GIMAP2: variants seen among roughly 807,000 people sequenced by gnomAD.
GIMAP2 encodes GTPase IMAP family member 2.
In GIMAP2, 22 loss-of-function variants were observed where a neutral mutation model predicts 25.5. The observed-to-expected ratio is 0.86, with a 90% CI of 0.62 to 1.23. The LOEUF (loss-of-function observed/expected upper bound fraction) is 1.23, where lower values mean the gene tolerates loss of function less well. Ranked by LOEUF, GIMAP2 falls within the 50% of genes most tolerant of loss-of-function variation. The probability of loss-of-function intolerance (pLI) is 0.00; values close to 1 mark genes in which losing one functional copy is unlikely to be tolerated. For missense variants in GIMAP2, 422 were observed against 395.7 expected (o/e 1.07, Z -0.56); for synonymous variants, 167 against 143.0 (o/e 1.17, Z -1.20).
rs139352851 is a variant in GIMAP2, at chr7:150,692,334, A to G, written c.48A>G (p.Gln16=). ...HSHWGPHAKG[Q]CASRSELRII... is the part of the protein sequence containing the mutation. ...TCACAGGACCACATGCAAAGGGCCA[A>G]TGTGCCAGCAGATCTGAGCTGAGAA... is the stretch of plus-strand genomic sequence containing the variant. The change falls in exon 3 of 3, where the codon CAA becomes CAG. Residue 16 remains glutamine (Q), a synonymous_variant. Transcript: ENST00000223293. The G allele has an allele frequency of 8.9e-4, 1,432 of 1,613,926 alleles. 6 individuals are homozygous for G. The highest frequency in any genetic ancestry group is 6.6e-3 in the Middle Eastern group (40 of 6,060).
At chr7:150,691,717 G>C (rs1796967036) in intron 2 of GIMAP2, among the ~76,000 whole-genome samples, 1 of 152,146 alleles carries the variant, frequency 6.6e-6, no homozygotes, top group Non-Finnish European at 1.5e-5. Context: ...CTGATCTCCA[G>C]AAAACTTTTC....
chr7:150,688,080 T>A (rs1796924391), intron 2 of GIMAP2, among the ~76,000 whole-genome samples: 1 of 152,158 alleles, frequency 6.6e-6, no homozygotes, highest in South Asian at 2.1e-4. Context: ...AACAACTTTT[T>A]TTTTCCTCCC....
chr7:150,690,349 C>A (rs1585207444), intron 2 of GIMAP2, among the ~76,000 whole-genome samples: 2 of 152,136 alleles, frequency 1.3e-5, no homozygotes, highest in African/African-American at 2.4e-5. Flanking sequence ...CTCTGGCAAG[C>A]GAAGTTTTCC....
intron 2 of GIMAP2, among the ~76,000 whole-genome samples, chr7:150,691,157 C>T (rs1796962123): frequency 6.6e-6 from 1 of 152,204 alleles, no homozygotes; most frequent in African/African-American, 2.4e-5. Context: ...GGTTAACCCT[C>T]AAGAGCCAGA....
In GIMAP2 at chr7:150,688,951, T is replaced by G. The variant is rs111700795; in HGVS notation, c.28+1864T>G. ...CCCTGGCTTCCTCTTGTAATTGCAC[T>G]CCGCTTGCCATACAAGGCAGGCCTT... On this transcript the variant is annotated intron_variant, in intron 2 of 2. Coordinates refer to ENST00000223293, the MANE Select transcript of GIMAP2 (RefSeq NM_015660.3). Among the ~76,000 whole-genome samples, 682 of 152,276 alleles carry G rather than the reference T, an allele frequency of 4.5e-3. 55 individuals carry two copies. In the South Asian group the frequency reaches 0.14, roughly 30 times the overall value.
intron 2 of GIMAP2, chr7:150,689,792 G>A: frequency 4.8e-6 from 2 of 420,210 alleles, no homozygotes; most frequent in Non-Finnish European, 8.5e-6. Context: ...ATAGAAAACG[G>A]GCAGGTTCAA....
rs774847313 is a variant in GIMAP2 at position 150,692,734 on chromosome 7, G to A, written c.448G>A (p.Asp150Asn). Residue 150 changes from aspartate (D) to asparagine (N), a missense_variant, in exon 3 of 3, where the codon GAC (aspartate) becomes AAC (asparagine). By Grantham distance (23) the Asp-to-Asn change is conservative. Coordinates refer to ENST00000223293, the MANE Select transcript of GIMAP2 (RefSeq NM_015660.3). The stretch of plus-strand genomic sequence containing the variant: ...AATTGTCCTCTTTACCCACAAGGAA[G>A]ACCTCAATGGTGGCTCCCTGATGGA... Reference protein sequence around the residue: ...HTIVLFTHKEDLNGGSLMDYM... With the variant: ...HTIVLFTHKENLNGGSLMDYM... The A allele has an allele frequency of 1.2e-6, 2 of 1,614,218 alleles. No homozygotes were observed. The highest frequency in any genetic ancestry group is 1.7e-6 in the Non-Finnish European group (2 of 1,180,032).
At chr7:150,691,516 T>A (rs1286943768) in intron 2 of GIMAP2, among the ~76,000 whole-genome samples, 3 of 152,208 alleles carry the variant, frequency 2.0e-5, no homozygotes, top group Non-Finnish European at 4.4e-5. Flanking sequence ...TTATAAGATA[T>A]CAGTTGTTTC....
chr7:150,688,730 C>T (rs1033813798), intron 2 of GIMAP2, among the ~76,000 whole-genome samples: 36 of 152,154 alleles, frequency 2.4e-4, no homozygotes, highest in African/African-American at 8.2e-4. Context: ...AGGTGGAGTG[C>T]TTGAGTCCCA....
Position 150,685,742 on chromosome 7 carries a change from A to G in GIMAP2, c.-52A>G. 2.0e-6 allele frequency: 2 copies of G among 984,754 alleles called. No homozygotes were observed. Among genetic ancestry groups the G allele is most frequent in the Non-Finnish European group, 2.4e-6 (2 of 829,292 alleles). The allele number at this position is 984,754 out of a possible 1,614,324, so 61.0% of individuals were successfully genotyped here. On this transcript the variant is annotated 5_prime_UTR_variant, in exon 1 of 3. Coordinates refer to ENST00000223293, the MANE Select transcript of GIMAP2 (RefSeq NM_015660.3). ...TCTTGGAGCTGAGCTATAAGACAAC[A>G]GGACTGAACAGGGAGCCAACTGTTT...
chr7:150,692,228 A>G (rs1796973377), intron 2 of GIMAP2, 87 bp from the exon 3 acceptor site: 1 of 1,342,158 alleles, frequency 7.5e-7, no homozygotes, highest in Non-Finnish European at 1.0e-6. Context: ...CCGTCTCAAA[A>G]AAAAAAGAAA....
In GIMAP2 at chr7:150,692,522, C is replaced by A. The variant is rs76850019; in HGVS notation, c.236C>A (p.Pro79Gln). The stretch of plus-strand genomic sequence containing the variant: ...AGAGAGATTGTCATTATTGACACAC[C>A]AGATATGTTTTCTTGGAAGGACCAC... ...GNREIVIIDTPDMFSWKDHCE... is the reference protein window; with the variant it reads ...GNREIVIIDTQDMFSWKDHCE... The change falls in exon 3 of 3, where the codon CCA becomes CAA. Residue 79 changes from proline to glutamine, a missense_variant. Physicochemically the swap from Pro to Gln is moderately conservative, Grantham distance 76. Coordinates refer to ENST00000223293, the MANE Select transcript of GIMAP2 (RefSeq NM_015660.3). 6.2e-6 allele frequency: 10 copies of A among 1,614,000 alleles called. No individual in the cohort carries two copies. Among genetic ancestry groups the A allele is most frequent in the Non-Finnish European group, 8.5e-6 (10 of 1,179,912 alleles).
In GIMAP2 at chr7:150,685,780, A is replaced by G. The variant is rs1186002953; in HGVS notation, c.-14A>G. Reference sequence around the variant, plus strand: ...GAGCCAACTGTTTCTTTGAACAGTAAATCAGGTAAGCCCAGATTTACGAAA... The same window carrying G: ...GAGCCAACTGTTTCTTTGAACAGTAGATCAGGTAAGCCCAGATTTACGAAA... On this transcript the variant is annotated 5_prime_UTR_variant, in exon 1 of 3. Transcript: ENST00000223293. The G allele has an allele frequency of 5.4e-5, 53 of 974,666 alleles. No homozygotes were observed. The highest frequency in any genetic ancestry group is 6.1e-5 in the Non-Finnish European group (50 of 820,188). The allele number at this position is 974,666 out of a possible 1,614,324, so 60.4% of individuals were successfully genotyped here.
At chr7:150,689,892 A>G (rs185577604) in intron 2 of GIMAP2, among the ~76,000 whole-genome samples, 2 of 152,146 alleles carry the variant, frequency 1.3e-5, no homozygotes, top group Non-Finnish European at 2.9e-5. Flanking sequence ...AATAAGGTGA[A>G]TAAAAGGAAC....
intron 2 of GIMAP2, among the ~76,000 whole-genome samples, chr7:150,692,003 G>A (rs1276180261): frequency 6.6e-6 from 1 of 152,050 alleles, no homozygotes; most frequent in Non-Finnish European, 1.5e-5. Context: ...GCCGAGGCGG[G>A]CGGATCACGA....
intron 1 of GIMAP2, among the ~76,000 whole-genome samples, chr7:150,686,693 C>G (rs148222074): frequency 6.6e-6 from 1 of 151,726 alleles, no homozygotes; most frequent in Non-Finnish European, 1.5e-5. Flanking sequence ...CTTTTAATTC[C>G]AGAACTTTGG....
At chr7:150,691,681 G>A (rs112996533) in intron 2 of GIMAP2, among the ~76,000 whole-genome samples, 1,530 of 152,248 alleles carry the variant, frequency 0.01, 33 homozygotes, top group African/African-American at 0.035. Context: ...CATTGAGATG[G>A]AACCCATGGC....
chr7:150,686,943 C>CAAA (rs1224720533), intron 1 of GIMAP2, 109 bp from the exon 2 acceptor site: 32 of 484,738 alleles, frequency 6.6e-5, no homozygotes, highest in Admixed American at 1.8e-4. Flanking sequence ...AACTGTGTCT[C>CAAA]AAAAAAAAAA....
chr7:150,693,087 C>A lies in GIMAP2; in HGVS notation c.801C>A (p.Ile267=). The A allele has an allele frequency of 6.2e-7, 1 of 1,613,496 alleles. No homozygotes were observed. The highest frequency in any genetic ancestry group is 1.1e-5 in the South Asian group (1 of 91,044). Residue 267 remains isoleucine (I), a synonymous_variant, in exon 3 of 3, where the codon ATC becomes ATA. Transcript: ENST00000223293. ...CAAACTGCCTAAAAGGAGCCTTAAT[C>A]AAAACACAACTGTGTGTTTTATTTT... ...AEANCLKGAL[I]KTQLCVLFCI...
Sources: gnomAD v4.1 joint callset for allele counts (sites outside exome capture counted in the v4.1 genomes callset) on GRCh38, gnomAD v4.1.1 for gene constraint, MANE v1.5 for transcripts, NCBI Gene and HGNC (gene_info 2026-07-23, HGNC 2026-07-21) for gene names.